RBFOX3: variants seen among roughly 807,000 people sequenced by gnomAD.
The protein encoded by RBFOX3 is RNA binding protein fox-1 homolog 3.
A neutral mutation model predicts 48.7 loss-of-function variants in RBFOX3; 17 were observed. That is an observed-to-expected ratio of 0.35 (90% CI 0.24 to 0.52). The LOEUF (loss-of-function observed/expected upper bound fraction) is 0.52. RBFOX3 is among the 20% of genes least tolerant of loss of function. RBFOX3 has a pLI of 0.94. For synonymous variants in RBFOX3, 212 were observed against 209.5 expected (o/e 1.01, Z -0.10); for missense variants, 382 against 497.5 (o/e 0.77, Z 2.21).
chr17:79,172,170 T>C (rs1307454425), intron 4 of RBFOX3, among the ~76,000 whole-genome samples: 1 of 78,766 alleles, frequency 1.3e-5, no homozygotes, highest in Non-Finnish European at 2.5e-5. Context: ...TGAGAGTCCG[T>C]CTCAAAAAAA....
chr17:79,414,189 C>A (rs1221522694), intron 2 of RBFOX3, among the ~76,000 whole-genome samples: 1 of 152,102 alleles, frequency 6.6e-6, no homozygotes, highest in Non-Finnish European at 1.5e-5. Context: ...ATATCAGGGA[C>A]TTGCGGCAGC....
intron 1 of RBFOX3, among the ~76,000 whole-genome samples, chr17:79,575,743 C>T: frequency 6.6e-6 from 1 of 152,238 alleles, no homozygotes; most frequent in Non-Finnish European, 1.5e-5. Flanking sequence ...AGAGCTAAGT[C>T]CTTGCCCGGG....
At chr17:79,278,275 A>G (rs535208155) in intron 3 of RBFOX3, among the ~76,000 whole-genome samples, 1 of 152,264 alleles carries the variant, frequency 6.6e-6, no homozygotes, top group East Asian at 1.9e-4. Context: ...TAACAGCATC[A>G]TAGGATCACG....
At chr17:79,241,750 C>T (rs566574204) in intron 3 of RBFOX3, among the ~76,000 whole-genome samples, 10 of 152,178 alleles carry the variant, frequency 6.6e-5, no homozygotes, top group African/African-American at 9.7e-5. Flanking sequence ...TGTGGTCAGG[C>T]GCTGGTGAGG....
chr17:79,633,265 C>T, the RBFOX3 span, among the ~76,000 whole-genome samples: 14 of 152,258 alleles, frequency 9.2e-5, no homozygotes, highest in Non-Finnish European at 1.6e-4. Context: ...AAAGTGGCCG[C>T]CAGAAGACTC....
chr17:79,311,784 G>A lies in RBFOX3; in HGVS notation c.-174-3960C>T, dbSNP rs75769203. ...TCTGGCTGGTGGAGTGGGAAGCAGT[G>A]CCCCCATGATGGCAGAAACGGGGAA... On this transcript the variant is annotated intron_variant, in intron 2 of 14. Coordinates refer to ENST00000693108, the MANE Select transcript of RBFOX3 (RefSeq NM_001350451.2). This position sits in a 1 kb window ranked among gnomAD's most constrained non-coding sequence, Gnocchi z 4.2. 3.3e-5 allele frequency among the ~76,000 whole-genome samples: 5 copies of A among 152,222 alleles called. No individual in the cohort carries two copies. The highest frequency in any genetic ancestry group is 1.2e-4 in the African/African-American group (5 of 41,542).
intron 1 of RBFOX3, chr17:79,598,374 A>G (rs1037068681): frequency 0.18 from 26,233 of 143,392 alleles, 2,480 homozygotes; most frequent in African/African-American, 0.24. Flanking sequence ...GTGCACACAT[A>G]CATGCACATG....
intron 2 of RBFOX3, among the ~76,000 whole-genome samples, chr17:79,324,727 T>C (rs2146136568): frequency 6.6e-6 from 1 of 152,308 alleles, no homozygotes; most frequent in South Asian, 2.1e-4. Context: ...GCAGGCAGCC[T>C]TCCTGCTGCA....
chr17:79,330,641 C>A (rs1208322876), intron 2 of RBFOX3, among the ~76,000 whole-genome samples: 1 of 152,156 alleles, frequency 6.6e-6, no homozygotes. Context: ...TGACTCTCAC[C>A]AGTTTCTGGC....
At chr17:79,336,769 T>G (rs1349257186) in intron 2 of RBFOX3, among the ~76,000 whole-genome samples, 2 of 152,216 alleles carry the variant, frequency 1.3e-5, no homozygotes. Flanking sequence ...CTTCCAGAGC[T>G]TTGGGGCTTT....
At chr17:79,532,854 C>A (rs1364551914) in intron 1 of RBFOX3, among the ~76,000 whole-genome samples, 1 of 151,888 alleles carries the variant, frequency 6.6e-6, no homozygotes, top group African/African-American at 2.4e-5. Context: ...CGCATGCACG[C>A]CGCCTGTCAG....
intron 2 of RBFOX3, among the ~76,000 whole-genome samples, chr17:79,337,767 C>A (rs1413506955): frequency 3.3e-5 from 5 of 152,054 alleles, no homozygotes; most frequent in African/African-American, 1.2e-4. Context: ...CAGAGCAAGA[C>A]CCAGTCTCAA....
chr17:79,375,161 G>A (rs1175416621), intron 2 of RBFOX3, among the ~76,000 whole-genome samples: 2 of 152,174 alleles, frequency 1.3e-5, no homozygotes, highest in East Asian at 1.9e-4. Flanking sequence ...CCTAAATCCC[G>A]TCATTTGGTC....
intron 2 of RBFOX3, among the ~76,000 whole-genome samples, chr17:79,453,352 G>A (rs2073899442): frequency 6.6e-6 from 1 of 152,210 alleles, no homozygotes; most frequent in African/African-American, 2.4e-5. Flanking sequence ...GATGGCCATA[G>A]AAGCTGGGGC....
rs566006999 is a variant in RBFOX3 at position 79,368,621 on chromosome 17, C to T, written c.-174-60797G>A. On this transcript the variant is annotated intron_variant, in intron 2 of 14. Transcript: ENST00000693108. Reference sequence around the variant, plus strand: ...AAGACACCACTCCCTGGATTGTTACCATCCGAGAAGGTGCTGGAAGAGCTG... The same window carrying T: ...AAGACACCACTCCCTGGATTGTTACTATCCGAGAAGGTGCTGGAAGAGCTG... Among the ~76,000 whole-genome samples, 317 of 152,294 alleles carry T rather than the reference C, an allele frequency of 2.1e-3. 2 individuals carry two copies. The highest frequency in any genetic ancestry group is 3.9e-3 in the Non-Finnish European group (263 of 68,026).
chr17:79,164,501 G>A (rs75965260), intron 4 of RBFOX3, among the ~76,000 whole-genome samples: 1 of 152,180 alleles, frequency 6.6e-6, no homozygotes, highest in African/African-American at 2.4e-5. Context: ...CTTCAGTCTT[G>A]GGGGGAGGTG....
chr17:79,463,728 C>A (rs1406322633), intron 2 of RBFOX3, among the ~76,000 whole-genome samples: 1 of 151,664 alleles, frequency 6.6e-6, no homozygotes, highest in African/African-American at 2.4e-5. Context: ...GCCACTGCCA[C>A]CTCCACCGCC....
chr17:79,188,681 G>A (rs751746080), intron 4 of RBFOX3, among the ~76,000 whole-genome samples: 4 of 152,138 alleles, frequency 2.6e-5, no homozygotes, highest in Non-Finnish European at 5.9e-5. Flanking sequence ...CTTCCACTCC[G>A]CACTGTTGCC....
chr17:79,651,572 G>A, the RBFOX3 span, among the ~76,000 whole-genome samples: 1 of 151,586 alleles, frequency 6.6e-6, no homozygotes, highest in Admixed American at 6.6e-5. Flanking sequence ...AGATGCTGCA[G>A]CTTCCATCTT....
Sources: allele counts gnomAD v4.1 joint callset (sites outside exome capture counted in the v4.1 genomes callset), GRCh38; gene constraint gnomAD v4.1.1; non-coding constraint Gnocchi (gnomAD v3.1); transcripts MANE v1.5; gene names NCBI Gene and HGNC (gene_info 2026-07-23, HGNC 2026-07-21).